USP54: variants seen among roughly 807,000 people sequenced by gnomAD.
USP54 encodes the protein ubiquitin carboxyl-terminal hydrolase 54.
USP54 carries 87 observed loss-of-function variants against 170.5 expected under a neutral mutation model. That is an observed-to-expected ratio of 0.51 (90% CI 0.43 to 0.61). USP54 has a LOEUF of 0.61. Ranked by LOEUF, USP54 falls within the 20% of genes least tolerant of loss-of-function variation. The pLI, the probability that USP54 is intolerant of heterozygous loss-of-function variation, is 0.00. For missense variants in USP54, 1,786 were observed against 2,047.8 expected (o/e 0.87, Z 2.47); for synonymous variants, 655 against 742.8 (o/e 0.88, Z 1.92).
At chr10:73,513,828 G>A (rs547024589) in intron 20 of USP54, among the ~76,000 whole-genome samples, 1 of 151,624 alleles carries the variant, frequency 6.6e-6, no homozygotes, top group Admixed American at 6.6e-5. Flanking sequence ...TTTGTTTTTG[G>A]TTTTGAGATA....
Position 73,530,537 on chromosome 10 carries a change from G to T in USP54, c.1448-14C>A. 2 of 1,595,158 alleles carry T rather than the reference G, an allele frequency of 1.3e-6. No homozygotes were observed. The highest frequency in any genetic ancestry group is 2.3e-5 in the South Asian group (2 of 87,262). ...TCAGTGTTTCTCCTAAAAACACAAA[G>T]AATGAAAGAAATATAGATGTTTAAA... On this transcript the variant is annotated splice_polypyrimidine_tract_variant and intron_variant, in intron 13 of 23. Coordinates refer to ENST00000687698, the MANE Select transcript of USP54 (RefSeq NM_001391956.1).
chr10:73,612,761 AC>A (rs994156190), intron 1 of USP54, among the ~76,000 whole-genome samples: 2 of 148,818 alleles, frequency 1.3e-5, no homozygotes, highest in Admixed American at 1.4e-4. Context: ...AAATCCTTGA[AC>A]CCACGAGGTG....
Position 73,517,044 on chromosome 10 carries a change from G to A in USP54, c.3382C>T (p.Leu1128Phe). The stretch of plus-strand genomic sequence containing the variant: ...AACTGCTCAGCCAGAGAACGGACAA[G>A]CCCCTTTGTGCTGGGAAACTCTGGC... ...YRPEFPSTKGLVRSLAEQFQR... is the reference protein window; with the variant it reads ...YRPEFPSTKGFVRSLAEQFQR... The change falls in exon 20 of 24, where the codon CTT becomes TTT. Residue 1128 changes from leucine (L) to phenylalanine (F), a missense_variant. Physicochemically the swap from Leu to Phe is conservative, Grantham distance 22 (BLOSUM62 0). Around this residue, in one of 3 missense-constraint regions of USP54, gnomAD observed 1,418 missense variants for 1,569.0 expected, o/e 0.90. Transcript: ENST00000687698. 1 of 1,614,204 alleles carries A rather than the reference G, an allele frequency of 6.2e-7. No individual in the cohort carries two copies. The highest frequency in any genetic ancestry group is 8.5e-7 in the Non-Finnish European group (1 of 1,180,046).
At chr10:73,619,183 G>C (rs1326228656) in intron 1 of USP54, among the ~76,000 whole-genome samples, 1 of 150,362 alleles carries the variant, frequency 6.7e-6, no homozygotes, top group Non-Finnish European at 1.5e-5. Flanking sequence ...AGCAAGACTT[G>C]TCTCAAAAAA....
chr10:73,508,824 T>C (rs906409505), intron 20 of USP54, among the ~76,000 whole-genome samples: 10 of 151,934 alleles, frequency 6.6e-5, no homozygotes, highest in Admixed American at 6.6e-4. Flanking sequence ...CATGCCACCA[T>C]GCCCGACTAA....
At chr10:73,585,756 C>T (rs1388456246) in intron 1 of USP54, among the ~76,000 whole-genome samples, 2 of 152,212 alleles carry the variant, frequency 1.3e-5, no homozygotes, top group Non-Finnish European at 2.9e-5. Flanking sequence ...GGCACAGTGG[C>T]TCACACCTGT....
chr10:73,517,774 T>A, intron 19 of USP54, 27 bp from the exon 20 acceptor site: 1 of 1,580,564 alleles, frequency 6.3e-7, no homozygotes, highest in Non-Finnish European at 8.6e-7. Flanking sequence ...GAGCTAGTCA[T>A]AAGCTGCCTT....
chr10:73,547,234 T>C (rs559978346), intron 4 of USP54, among the ~76,000 whole-genome samples: 54 of 152,186 alleles, frequency 3.5e-4, no homozygotes, highest in African/African-American at 1.3e-3. Context: ...AAACCCCGTC[T>C]CTACTAAAAA....
At chr10:73,532,372 T>C (rs1220651437) in intron 12 of USP54, among the ~76,000 whole-genome samples, 1 of 152,260 alleles carries the variant, frequency 6.6e-6, no homozygotes, top group East Asian at 1.9e-4. Flanking sequence ...AGACGGGGTT[T>C]CACCATGTTA....
chr10:73,586,714 C>A (rs2077526748), intron 1 of USP54, among the ~76,000 whole-genome samples: 1 of 152,122 alleles, frequency 6.6e-6, no homozygotes, highest in Non-Finnish European at 1.5e-5. Context: ...TAAATGGAAA[C>A]AATATTTGCT....
upstream of USP54, among the ~76,000 whole-genome samples, chr10:73,591,972 A>G (rs2078291728): frequency 6.6e-6 from 1 of 152,212 alleles, no homozygotes; most frequent in Admixed American, 6.5e-5. Flanking sequence ...ATTGGAATCT[A>G]CTGAGTCAAT....
chr10:73,529,606 A>G (rs999757836), intron 15 of USP54, 74 bp downstream of exon 15: 6 of 1,550,872 alleles, frequency 3.9e-6, no homozygotes, highest in Non-Finnish European at 4.5e-6. Context: ...TGTCTCAGCC[A>G]TGCCTGAAAG....
chr10:73,594,076 T>A (rs2078516238), upstream of USP54, among the ~76,000 whole-genome samples: 1 of 151,940 alleles, frequency 6.6e-6, no homozygotes, highest in African/African-American at 2.4e-5. Flanking sequence ...AATAAAAGAC[T>A]CTTTTTTTTT....
At chr10:73,526,244 T>C (rs182521708) in intron 16 of USP54, among the ~76,000 whole-genome samples, 95 of 152,238 alleles carry the variant, frequency 6.2e-4, no homozygotes, top group African/African-American at 2.1e-3. Flanking sequence ...ATACTCAAAC[T>C]GTAACTGTCC....
chr10:73,581,261 T>C (rs1238007785), intron 1 of USP54, among the ~76,000 whole-genome samples: 2 of 152,206 alleles, frequency 1.3e-5, no homozygotes, highest in Non-Finnish European at 1.5e-5. Context: ...TCTAGGAAAG[T>C]AAAAGCCAAA....
chr10:73,611,627 C>CT (rs1338336582), intron 1 of USP54: 4 of 139,724 alleles, frequency 2.9e-5, no homozygotes, highest in Admixed American at 1.5e-4. Flanking sequence ...CCCGTCTCTA[C>CT]TAAAAAAAAA....
intron 1 of USP54, among the ~76,000 whole-genome samples, chr10:73,597,805 C>T (rs2078851330): frequency 6.6e-6 from 1 of 152,166 alleles, no homozygotes; most frequent in Non-Finnish European, 1.5e-5. Context: ...GAAAAGGCGG[C>T]CAGGTGTGGT....
At chr10:73,588,707 T>G (rs2077830868) in intron 1 of USP54, among the ~76,000 whole-genome samples, 1 of 152,250 alleles carries the variant, frequency 6.6e-6, no homozygotes, top group African/African-American at 2.4e-5. Flanking sequence ...TGGCTTTGAA[T>G]GGCCTTCCAC....
Position 73,545,556 on chromosome 10 carries a change from A to C in USP54, c.357T>G (p.Asp119Glu). The change falls in exon 5 of 24, where the codon GAT (aspartate) becomes GAG (glutamate). Residue 119 changes from aspartate to glutamate, a missense_variant. Asp to Glu is a conservative substitution (Grantham distance 45). Coordinates refer to ENST00000687698, the MANE Select transcript of USP54 (RefSeq NM_001391956.1). ...DEQRFQLGIM[D>E]DAAECFENLL... ...CACTTACAAAGCACTCTGCAGCATC[A>C]TCCATAATTCCCAGCTGGAAACGTT... The C allele has an allele frequency of 6.2e-7, 1 of 1,614,168 alleles. No individual in the cohort carries two copies. Among genetic ancestry groups the C allele is most frequent in the East Asian group, 2.2e-5 (1 of 44,878 alleles).
Sources: gnomAD v4.1 joint callset for allele counts (sites outside exome capture counted in the v4.1 genomes callset) on GRCh38, gnomAD v4.1.1 for gene constraint, gnomAD v4.1.1 regional missense constraint, MANE v1.5 for transcripts, NCBI Gene and HGNC (gene_info 2026-07-23, HGNC 2026-07-21) for gene names.